FARP2: variants seen among roughly 807,000 people sequenced by gnomAD.
The protein encoded by FARP2 is FERM, ARH/RhoGEF and pleckstrin domain protein 2.
Under a neutral mutation model 130.5 loss-of-function variants are expected in FARP2, and 111 were observed. The observed-to-expected ratio is 0.85, with a 90% CI of 0.73 to 1.00. The LOEUF (loss-of-function observed/expected upper bound fraction) is 1.00. Ranked by LOEUF, FARP2 falls within the 50% of genes least tolerant of loss-of-function variation. The pLI, the probability that FARP2 is intolerant of heterozygous loss-of-function variation, is 0.00. For synonymous variants in FARP2, 504 were observed against 516.9 expected (o/e 0.98, Z 0.34); for missense variants, 1,385 against 1,346.3 (o/e 1.03, Z -0.45).
At chr2:241,440,042 A>G (rs766246276) in intron 12 of FARP2, among the ~76,000 whole-genome samples, 4 of 152,210 alleles carry the variant, frequency 2.6e-5, no homozygotes, top group Non-Finnish European at 2.9e-5. Context: ...AATATTGAAT[A>G]TGGTTGAATA....
At chr2:241,466,662 A>T in intron 17 of FARP2, 5 of 870,188 alleles carry the variant, frequency 5.7e-6, no homozygotes, top group Non-Finnish European at 6.5e-6. Flanking sequence ...GCAGCGGGCC[A>T]GCCCCGCCTT....
At chr2:241,487,630 G>T (rs991341456) in intron 21 of FARP2, among the ~76,000 whole-genome samples, 1 of 137,474 alleles carries the variant, frequency 7.3e-6, no homozygotes, top group Non-Finnish European at 1.5e-5. Context: ...TCACACCACT[G>T]CACTCCAGCC....
intron 2 of FARP2, among the ~76,000 whole-genome samples, chr2:241,377,135 A>T (rs980400892): frequency 2.6e-5 from 4 of 152,052 alleles, no homozygotes; most frequent in African/African-American, 9.7e-5. Flanking sequence ...TTATCATTTC[A>T]CTTAAGTCTT....
At position 241,434,322 on chromosome 2, in the gene FARP2, G is replaced by A. The variant is rs772073534; in HGVS notation, c.1031+1G>A. On this transcript the variant is annotated splice_donor_variant, in intron 10 of 26. Transcript: ENST00000264042. LOFTEE classifies it high-confidence loss of function. Reference sequence around the variant, plus strand: ...GCCGGGGCTCCTCCTTCAGATACAGGTAGGGGCCATGCCGTGGCTTGCATG... The same window carrying A: ...GCCGGGGCTCCTCCTTCAGATACAGATAGGGGCCATGCCGTGGCTTGCATG... 10 of 1,604,264 alleles carry A rather than the reference G, an allele frequency of 6.2e-6. No individual in the cohort carries two copies. Among genetic ancestry groups the A allele is most frequent in the Non-Finnish European group, 8.5e-6 (10 of 1,177,034 alleles).
intron 1 of FARP2, among the ~76,000 whole-genome samples, chr2:241,370,341 G>A (rs1022815902): frequency 7.2e-5 from 11 of 152,142 alleles, no homozygotes; most frequent in Admixed American, 6.5e-5. Context: ...ACTCTAGTTA[G>A]TATTGTATTT....
chr2:241,450,967 A>G (rs989274551), intron 13 of FARP2, among the ~76,000 whole-genome samples: 1 of 152,038 alleles, frequency 6.6e-6, no homozygotes, highest in African/African-American at 2.4e-5. Context: ...ATAAATATAT[A>G]TATTTTGAAG....
At chr2:241,479,413 A>G (rs1396802127) in intron 19 of FARP2, among the ~76,000 whole-genome samples, 2 of 152,214 alleles carry the variant, frequency 1.3e-5, no homozygotes, top group Non-Finnish European at 2.9e-5. Flanking sequence ...GCCAGGCCTT[A>G]GGCTCAGTCA....
At chr2:241,466,457 G>A (rs1164070116) in intron 17 of FARP2, 3 of 985,322 alleles carry the variant, frequency 3.0e-6, no homozygotes, top group African/African-American at 1.7e-5. Flanking sequence ...AGGCAGGCCG[G>A]GGACCAGCAG....
chr2:241,465,973 C>T (rs748841224), intron 17 of FARP2: 38 of 1,404,008 alleles, frequency 2.7e-5, no homozygotes, highest in Non-Finnish European at 3.5e-5. Flanking sequence ...TTCTACTTAT[C>T]CCAAAGGCAG....
At chr2:241,410,721 C>T (rs2062494973) in intron 5 of FARP2, among the ~76,000 whole-genome samples, 1 of 152,168 alleles carries the variant, frequency 6.6e-6, no homozygotes, top group Non-Finnish European at 1.5e-5. Flanking sequence ...GGAGCCATCG[C>T]CCCTGGCCAA....
intron 17 of FARP2, among the ~76,000 whole-genome samples, chr2:241,467,798 C>G (rs1404016430): frequency 6.6e-6 from 1 of 152,208 alleles, no homozygotes; most frequent in Non-Finnish European, 1.5e-5. Flanking sequence ...CCTGCACTCC[C>G]TTACTGTGTC....
intron 8 of FARP2, among the ~76,000 whole-genome samples, chr2:241,425,375 A>G (rs534419828): frequency 6.6e-6 from 1 of 152,284 alleles, no homozygotes; most frequent in Non-Finnish European, 1.5e-5. Flanking sequence ...AAAAGAAACT[A>G]TCATCAGAGT....
At chr2:241,477,119 G>C (rs1574899687) in intron 19 of FARP2, among the ~76,000 whole-genome samples, 1 of 124,236 alleles carries the variant, frequency 8.0e-6, no homozygotes. Context: ...GTTCATTCAT[G>C]TTCCTTTTTT....
chr2:241,493,545 AAAGG>A, intron 26 of FARP2, 101 bp downstream of exon 26: 2 of 1,102,888 alleles, frequency 1.8e-6, no homozygotes, highest in Non-Finnish European at 2.7e-6. Context: ...TGGGCCCTGG[AAAGG>A]AAGGGCTGAG....
At chr2:241,373,352 C>G in intron 2 of FARP2, 62 bp downstream of exon 2, 1 of 1,179,712 alleles carries the variant, frequency 8.5e-7, no homozygotes, top group Non-Finnish European at 1.1e-6. Context: ...AATTATGTAC[C>G]AAATTCCATT....
At chr2:241,479,048 A>T in intron 19 of FARP2, 1 of 544,038 alleles carries the variant, frequency 1.8e-6, no homozygotes, top group Non-Finnish European at 3.4e-6. Context: ...AGATGCAATG[A>T]ACTACCATGT....
chr2:241,462,319 T>C (rs2064041016), intron 14 of FARP2, among the ~76,000 whole-genome samples: 1 of 152,222 alleles, frequency 6.6e-6, no homozygotes, highest in Non-Finnish European at 1.5e-5. Context: ...TATGGTGATA[T>C]TTGAACAGCA....
chr2:241,472,668 TTGAGGGGACTCTGTTC>T (rs1310686262), intron 18 of FARP2, among the ~76,000 whole-genome samples: 3 of 150,642 alleles, frequency 2.0e-5, no homozygotes, highest in Non-Finnish European at 4.4e-5. Context: ...TGATGCTGTT[TTGAGGGGACTCTGTTC>T]TGAGGGGACT....
chr2:241,450,523 G>A (rs1406416822), intron 13 of FARP2, among the ~76,000 whole-genome samples: 1 of 151,756 alleles, frequency 6.6e-6, no homozygotes, highest in Admixed American at 6.6e-5. Context: ...AAAATTAGCT[G>A]GGTATGGTGG....
Sources: allele counts gnomAD v4.1 joint callset (sites outside exome capture counted in the v4.1 genomes callset), GRCh38; gene constraint gnomAD v4.1.1; transcripts MANE v1.5; gene names NCBI Gene and HGNC (gene_info 2026-07-23, HGNC 2026-07-21).